RTN1: variants seen among roughly 807,000 people sequenced by gnomAD.
RTN1 encodes the protein reticulon 1, also known as reticulon-1.
In RTN1, 25 loss-of-function variants were observed where a neutral mutation model predicts 65.5. That is an observed-to-expected ratio of 0.38 (90% CI 0.28 to 0.53). RTN1 has a LOEUF of 0.53. Ranked by LOEUF, RTN1 falls within the 20% of genes least tolerant of loss-of-function variation. RTN1 has a pLI of 0.79. For synonymous variants in RTN1, 471 were observed against 447.6 expected, an observed-to-expected ratio of 1.05 and a Z score of -0.66; for missense variants, 983 against 1,025.4, an observed-to-expected ratio of 0.96 and a Z score of 0.57.
At chr14:59,673,900 A>G (rs999344859) in intron 3 of RTN1, among the ~76,000 whole-genome samples, 14 of 152,194 alleles carry the variant, frequency 9.2e-5, no homozygotes, top group African/African-American at 3.4e-4. Flanking sequence ...TTGTAATACA[A>G]TATTATAACT....
chr14:59,772,812 T>G (rs1408278765), intron 1 of RTN1, among the ~76,000 whole-genome samples: 4 of 53,100 alleles, frequency 7.5e-5, no homozygotes, highest in Middle Eastern at 9.3e-3. Context: ...AAGGACTGGG[T>G]TTTTTTTTGG....
chr14:59,851,093 C>T (rs1887497023), intron 1 of RTN1, among the ~76,000 whole-genome samples: 1 of 152,220 alleles, frequency 6.6e-6, no homozygotes, highest in Non-Finnish European at 1.5e-5. Flanking sequence ...TATGTACCAA[C>T]TTTCCCTTTT....
chr14:59,671,645 G>A (rs761808425), intron 3 of RTN1, among the ~76,000 whole-genome samples: 4 of 152,128 alleles, frequency 2.6e-5, no homozygotes, highest in Non-Finnish European at 5.9e-5. Context: ...GGTTTGCCTG[G>A]CTTCAGAGCA....
Position 59,793,402 on chromosome 14 carries a change from A to G in RTN1, c.242-46921T>C, listed in dbSNP as rs545965235. On this transcript the variant is annotated intron_variant, in intron 1 of 8. Transcript: ENST00000267484. ...TCCTTAGAATAAAAGGTGGGGATGA[A>G]TTCTAAATGCAACCTTTTTTTCTTA... Among the ~76,000 whole-genome samples, 48 of 152,284 alleles carry G rather than the reference A, an allele frequency of 3.2e-4. No homozygotes were observed. The South Asian group carries it at 9.9e-3, about 32-fold the overall frequency.
chr14:59,647,262 C>T (rs1339649017), intron 3 of RTN1, among the ~76,000 whole-genome samples: 9 of 152,184 alleles, frequency 5.9e-5, no homozygotes, highest in Admixed American at 5.2e-4. Flanking sequence ...TCTCCTAATA[C>T]GTATGCACCC....
intron 3 of RTN1, chr14:59,630,664 C>A (rs2140184717): frequency 8.2e-7 from 1 of 1,217,904 alleles, no homozygotes; most frequent in Non-Finnish European, 1.0e-6. Context: ...GCGGGAGCGT[C>A]GCTGGCGCCG....
chr14:59,608,311 G>T (rs926409506), intron 3 of RTN1, among the ~76,000 whole-genome samples: 2 of 152,212 alleles, frequency 1.3e-5, no homozygotes, highest in African/African-American at 4.8e-5. Flanking sequence ...AATGTAAGTG[G>T]TAGTGGTTTG....
intron 3 of RTN1, among the ~76,000 whole-genome samples, chr14:59,639,294 T>C (rs1253600493): frequency 6.6e-6 from 1 of 152,156 alleles, no homozygotes; most frequent in Non-Finnish European, 1.5e-5. Context: ...GAAAAGAGTT[T>C]AAAATAGTAT....
At chr14:59,777,829 A>C (rs1594738980) in intron 1 of RTN1, among the ~76,000 whole-genome samples, 1 of 138,990 alleles carries the variant, frequency 7.2e-6, no homozygotes, top group Non-Finnish European at 1.5e-5. Flanking sequence ...CAACAAAAAA[A>C]AAAAACAAAA....
rs1887421731 is a variant in RTN1 at position 59,846,952 on chromosome 14, C to A, written c.241+23438G>T. ...ACCCCTTCATCACCATTCTAGAAAC[C>A]TAGTGTCTGAGAGGAAAAACAAAAT... On this transcript the variant is annotated intron_variant, in intron 1 of 8. Coordinates refer to ENST00000267484, the MANE Select transcript of RTN1 (RefSeq NM_021136.3). This position sits in a 1 kb window ranked among gnomAD's most constrained non-coding sequence, Gnocchi z 4.8. 6.6e-6 allele frequency among the ~76,000 whole-genome samples: 1 copy of A among 152,130 alleles called. No individual in the cohort carries two copies.
intron 1 of RTN1, among the ~76,000 whole-genome samples, chr14:59,862,523 T>C (rs1594771602): frequency 6.6e-6 from 1 of 152,172 alleles, no homozygotes; most frequent in African/African-American, 2.4e-5. Context: ...CTAGTACCAT[T>C]ACTCTAGCAA....
At chr14:59,677,367 C>T (rs536986742) in intron 3 of RTN1, among the ~76,000 whole-genome samples, 1 of 152,088 alleles carries the variant, frequency 6.6e-6, no homozygotes, top group Non-Finnish European at 1.5e-5. Context: ...ATGCTGGTAC[C>T]CCACTGCTGT....
chr14:59,628,820 T>C (rs1594640796), intron 3 of RTN1, among the ~76,000 whole-genome samples: 1 of 152,190 alleles, frequency 6.6e-6, no homozygotes, highest in East Asian at 1.9e-4. Context: ...TGTGATGAAA[T>C]AGATTAAGAT....
At chr14:59,800,495 G>C (rs904731647) in intron 1 of RTN1, among the ~76,000 whole-genome samples, 2 of 152,100 alleles carry the variant, frequency 1.3e-5, no homozygotes, top group African/African-American at 4.8e-5. Flanking sequence ...CTGCCTCCAG[G>C]GTTCACACCA....
chr14:59,795,140 T>C (rs1413030541), intron 1 of RTN1, among the ~76,000 whole-genome samples: 1 of 152,166 alleles, frequency 6.6e-6, no homozygotes, highest in Non-Finnish European at 1.5e-5. Context: ...CCAGCTGAAG[T>C]TCAAACTCTG....
chr14:59,627,714 A>T (rs1166391430), intron 3 of RTN1, among the ~76,000 whole-genome samples: 2 of 152,210 alleles, frequency 1.3e-5, no homozygotes, highest in Non-Finnish European at 2.9e-5. Context: ...TGTAGCTGAA[A>T]TTATATATGT....
intron 3 of RTN1, among the ~76,000 whole-genome samples, chr14:59,649,541 G>A (rs1220805748): frequency 1.3e-5 from 2 of 151,816 alleles, no homozygotes; most frequent in African/African-American, 4.8e-5. Context: ...GAAGCTACAA[G>A]GAACTTAAAA....
At chr14:59,827,225 C>T (rs1165754099) in intron 1 of RTN1, among the ~76,000 whole-genome samples, 1 of 152,084 alleles carries the variant, frequency 6.6e-6, no homozygotes, top group African/African-American at 2.4e-5. Context: ...ACTACAGGCG[C>T]CCGCCACCAC....
Position 59,745,880 on chromosome 14 carries a change from G to T in RTN1, c.843C>A (p.Val281=), listed in dbSNP as rs1885208090. 1 of 1,613,992 alleles carries T rather than the reference G, an allele frequency of 6.2e-7. No homozygotes were observed. The highest frequency in any genetic ancestry group is 1.3e-5 in the African/African-American group (1 of 74,884). ...GTTCTATTTCCGTCAGTGTGATTTT[G>T]ACAGGGGTGGTGATCTGAGGAGCCC... The part of the protein sequence containing the change: ...QRRAPQITTP[V]KITLTEIEPS... Residue 281 remains valine, a synonymous_variant, in exon 2 of 9, where the codon GTC becomes GTA. Coordinates refer to ENST00000267484, the MANE Select transcript of RTN1 (RefSeq NM_021136.3).
Sources: gnomAD v4.1 joint callset for allele counts (sites outside exome capture counted in the v4.1 genomes callset) on GRCh38, gnomAD v4.1.1 for gene constraint, Gnocchi (gnomAD v3.1) non-coding constraint, MANE v1.5 for transcripts, NCBI Gene and HGNC (gene_info 2026-07-23, HGNC 2026-07-21) for gene names.